Variants in CAMTA1 observed in about 807,000 individuals in gnomAD.
CAMTA1 encodes the protein calmodulin-binding transcription activator 1.
CAMTA1 carries 27 observed loss-of-function variants against 170.9 expected under a neutral mutation model. That is an observed-to-expected ratio of 0.16 (90% CI 0.12 to 0.22). The LOEUF is 0.22. Among genes scored for constraint, CAMTA1 ranks in the 10% least tolerant of loss-of-function variants. The probability of loss-of-function intolerance (pLI) is 1.00; values close to 1 mark genes in which losing one functional copy is unlikely to be tolerated. For synonymous variants in CAMTA1, 833 were observed against 891.5 expected, an observed-to-expected ratio of 0.93 and a Z score of 1.17; for missense variants, 1,619 against 2,217.2, an observed-to-expected ratio of 0.73 and a Z score of 5.42.
chr1:7,026,828 A>G (rs566307764), intron 3 of CAMTA1, among the ~76,000 whole-genome samples: 6 of 152,020 alleles, frequency 3.9e-5, no homozygotes, highest in African/African-American at 1.4e-4. Context: ...ACGGGATTTC[A>G]TATGTTGGCC....
chr1:7,043,832 A>G (rs2101445762), intron 3 of CAMTA1, among the ~76,000 whole-genome samples: 1 of 152,270 alleles, frequency 6.6e-6, no homozygotes, highest in East Asian at 1.9e-4. Context: ...CTTTTGTGAG[A>G]CTGCTCACGC....
chr1:7,273,622 T>G (rs571756124), intron 5 of CAMTA1, among the ~76,000 whole-genome samples: 1 of 152,184 alleles, frequency 6.6e-6, no homozygotes, highest in Non-Finnish European at 1.5e-5. Flanking sequence ...ATTAGGTTTC[T>G]TTTTGGGGTG....
intron 3 of CAMTA1, among the ~76,000 whole-genome samples, chr1:7,003,353 T>G (rs1254201865): frequency 2.0e-5 from 3 of 152,232 alleles, no homozygotes; most frequent in Non-Finnish European, 4.4e-5. Context: ...GAGGTTAGTA[T>G]GGAAATGGAT....
intron 5 of CAMTA1, among the ~76,000 whole-genome samples, chr1:7,377,931 T>TA (rs1305843603): frequency 6.6e-6 from 1 of 152,068 alleles, no homozygotes; most frequent in Non-Finnish European, 1.5e-5. Flanking sequence ...AAAAAAATAA[T>TA]AATTAAAAAA....
At chr1:7,394,696 A>G (rs1324752830) in intron 5 of CAMTA1, among the ~76,000 whole-genome samples, 1 of 151,662 alleles carries the variant, frequency 6.6e-6, no homozygotes, top group Non-Finnish European at 1.5e-5. Context: ...TTTAAATTTG[A>G]TGTAATCCCA....
At chr1:7,241,102 G>A (rs1305676021) in intron 4 of CAMTA1, among the ~76,000 whole-genome samples, 1 of 152,120 alleles carries the variant, frequency 6.6e-6, no homozygotes, top group Non-Finnish European at 1.5e-5. Context: ...AAGGGTCACA[G>A]GATAAGATCA....
At position 7,310,681 on chromosome 1, in the gene CAMTA1, TC is replaced by T. The variant is rs1557491424; in HGVS notation, c.438+61056del. 2.1e-3 allele frequency among the ~76,000 whole-genome samples: 74 copies of T among 36,072 alleles called. 5 individuals are homozygous for T. The highest frequency in any genetic ancestry group is 0.011 in the African/African-American group (56 of 5,066). The allele number at this position is 36,072 out of a possible 152,430, so 23.7% of individuals were successfully genotyped here. On this transcript the variant is annotated intron_variant, in intron 5 of 22. Transcript: ENST00000303635. ...TTTCTTTCTTTCTTTCCTTTCTTTC[TC>T]TCTCTCTCTCTCTCTCTCTCTTTCT... is the stretch of plus-strand genomic sequence containing the variant.
chr1:7,372,575 C>T (rs1255877049), intron 5 of CAMTA1, among the ~76,000 whole-genome samples: 11 of 152,164 alleles, frequency 7.2e-5, no homozygotes, highest in African/African-American at 2.4e-4. Context: ...TAGCCTTGCC[C>T]GTGAACACGT....
chr1:7,406,076 G>T lies in CAMTA1; in HGVS notation c.439-61754G>T, dbSNP rs1006821357. The stretch of plus-strand genomic sequence containing the variant: ...AGGAACAGGGGTCCCCACAATGGCA[G>T]AGCTGGAGCTTCTGCAGCAGCATGG... On this transcript the variant is annotated intron_variant, in intron 5 of 22. Transcript: ENST00000303635. Among the ~76,000 whole-genome samples, 3 of 152,266 alleles carry T rather than the reference G, an allele frequency of 2.0e-5. 1 individual carries two copies. The South Asian group carries it at 6.2e-4, about 32-fold the overall frequency.
intron 5 of CAMTA1, among the ~76,000 whole-genome samples, chr1:7,439,333 G>A (rs981922204): frequency 1.1e-4 from 16 of 152,272 alleles, no homozygotes; most frequent in African/African-American, 2.9e-4. Flanking sequence ...GATGTTCTTC[G>A]TTGTCTGGAA....
In CAMTA1 at chr1:7,249,785, C is replaced by A. The variant is rs1448698137; in HGVS notation, c.438+159C>A. ...TGCTTTTGTTTCGTTTTTCTACCTT[C>A]TTACCCTATAGTCTCCATTCAAGTT... is the stretch of plus-strand genomic sequence containing the variant. On this transcript the variant is annotated intron_variant, in intron 5 of 22. Coordinates refer to ENST00000303635, the MANE Select transcript of CAMTA1 (RefSeq NM_015215.4). The surrounding 1 kb of genome is among the most constrained non-coding windows in gnomAD (Gnocchi z 4.4). Among the ~76,000 whole-genome samples the A allele has an allele frequency of 6.6e-6, 1 of 152,220 alleles. No individual in the cohort carries two copies. Among genetic ancestry groups the A allele is most frequent in the Non-Finnish European group, 1.5e-5 (1 of 68,052 alleles).
At chr1:7,481,304 T>C (rs955756720) in intron 6 of CAMTA1, among the ~76,000 whole-genome samples, 6 of 152,252 alleles carry the variant, frequency 3.9e-5, no homozygotes, top group Admixed American at 3.9e-4. Flanking sequence ...TGAAGACCTG[T>C]ACCCTTGACC....
chr1:7,542,708 T>C (rs2094628343), intron 6 of CAMTA1, among the ~76,000 whole-genome samples: 1 of 151,948 alleles, frequency 6.6e-6, no homozygotes, highest in Admixed American at 6.6e-5. Context: ...TTTGTATTTT[T>C]AGTAGAGACG....
chr1:6,786,321 T>C (rs1219232737), intron 1 of CAMTA1, among the ~76,000 whole-genome samples: 1 of 152,022 alleles, frequency 6.6e-6, no homozygotes, highest in African/African-American at 2.4e-5. Flanking sequence ...CATCCTACTC[T>C]TGCCCTTGCA....
chr1:7,457,349 T>G (rs1424723029), intron 5 of CAMTA1, among the ~76,000 whole-genome samples: 2 of 152,112 alleles, frequency 1.3e-5, no homozygotes, highest in Non-Finnish European at 2.9e-5. Flanking sequence ...ATGTCGTCGT[T>G]AGGCCGGCGG....
At chr1:7,622,101 A>G (rs1195064862) in intron 6 of CAMTA1, among the ~76,000 whole-genome samples, 1 of 152,062 alleles carries the variant, frequency 6.6e-6, no homozygotes, top group Admixed American at 6.6e-5. Flanking sequence ...GTATGGGGGG[A>G]GGAGGAGGAA....
chr1:6,814,973 C>A (rs1302684407), intron 1 of CAMTA1, among the ~76,000 whole-genome samples: 1 of 152,070 alleles, frequency 6.6e-6, no homozygotes, highest in Non-Finnish European at 1.5e-5. Context: ...GATCTAGGTT[C>A]TCTGAGTGGA....
intron 5 of CAMTA1, chr1:7,369,945 G>A (rs2086311278): frequency 1.3e-5 from 2 of 152,206 alleles, no homozygotes; most frequent in African/African-American, 4.8e-5. Flanking sequence ...AACTAAATTC[G>A]GGCTTATTCC....
intron 4 of CAMTA1, among the ~76,000 whole-genome samples, chr1:7,247,241 C>G (rs1371928033): frequency 6.6e-6 from 1 of 152,224 alleles, no homozygotes; most frequent in African/African-American, 2.4e-5. Flanking sequence ...TGCCGGATGA[C>G]AGGGCTACTC....
Sources: gnomAD v4.1 joint callset for allele counts (sites outside exome capture counted in the v4.1 genomes callset) on GRCh38, gnomAD v4.1.1 for gene constraint, Gnocchi (gnomAD v3.1) non-coding constraint, MANE v1.5 for transcripts, NCBI Gene and HGNC (gene_info 2026-07-23, HGNC 2026-07-21) for gene names.